Variants in ACSL1 observed in about 807,000 individuals in gnomAD.
The protein encoded by ACSL1 is acyl-CoA synthetase long chain family member 1, also known as long-chain-fatty-acid--CoA ligase 1.
A neutral mutation model predicts 98.4 loss-of-function variants in ACSL1; 41 were observed. The observed-to-expected ratio is 0.42, with a 90% CI of 0.32 to 0.54. The LOEUF (loss-of-function observed/expected upper bound fraction) is 0.54, where lower values mean the gene tolerates loss of function less well. Among genes scored for constraint, ACSL1 ranks in the 20% least tolerant of loss-of-function variants. The pLI, the probability that ACSL1 is intolerant of heterozygous loss-of-function variation, is 0.13. For missense variants in ACSL1, 734 were observed against 883.1 expected (o/e 0.83, Z 2.14); for synonymous variants, 316 against 322.7 (o/e 0.98, Z 0.22).
At chr4:184,783,376 TG>T (rs1323622432) in intron 4 of ACSL1, among the ~76,000 whole-genome samples, 1 of 152,124 alleles carries the variant, frequency 6.6e-6, no homozygotes, top group African/African-American at 2.4e-5. Flanking sequence ...TACAGCTGCC[TG>T]GGGGTAAGTG....
Position 184,773,259 on chromosome 4 carries a change from T to C in ACSL1, c.842-105A>G, listed in dbSNP as rs1764773414. On this transcript the variant is annotated intron_variant, in intron 9 of 20. Coordinates refer to ENST00000281455, the MANE Select transcript of ACSL1 (RefSeq NM_001995.5). This position sits in a 1 kb window ranked among gnomAD's most constrained non-coding sequence, Gnocchi z 4.3. Reference sequence around the variant, plus strand: ...CTTCAGACACCTCTACTGTTAGATATATCGTGAAAACCAAATGTTGAACAC... The same window carrying C: ...CTTCAGACACCTCTACTGTTAGATACATCGTGAAAACCAAATGTTGAACAC... 2.0e-6 allele frequency: 2 copies of C among 1,015,938 alleles called. No individual in the cohort carries two copies. The highest frequency in any genetic ancestry group is 2.9e-6 in the Non-Finnish European group (2 of 678,292). The allele number at this position is 1,015,938 out of a possible 1,614,324, so 62.9% of individuals were successfully genotyped here.
rs185445390 is a variant in ACSL1 at position 184,760,354 on chromosome 4, T to C, written c.1782+3A>G. The C allele has an allele frequency of 2.4e-5, 39 of 1,614,020 alleles. No homozygotes were observed. In the East Asian group the frequency reaches 5.1e-4, roughly 21 times the overall value. On this transcript the variant is annotated splice_donor_region_variant and intron_variant, in intron 18 of 20. Coordinates refer to ENST00000281455, the MANE Select transcript of ACSL1 (RefSeq NM_001995.5). ...CAAGATTCAAGACCCAGAAAGCACA[T>C]ACCTGCAGGCTTTCTCCGTGGACAA...
chr4:184,791,707 A>G (rs1768396588), intron 2 of ACSL1, among the ~76,000 whole-genome samples: 2 of 152,106 alleles, frequency 1.3e-5, no homozygotes, highest in African/African-American at 4.8e-5. Flanking sequence ...CTGGGGAGAA[A>G]CCAACTCCTA....
chr4:184,811,178 G>A lies in ACSL1; in HGVS notation c.-32-7632C>T, dbSNP rs897313637. 2.9e-4 allele frequency among the ~76,000 whole-genome samples: 44 copies of A among 150,920 alleles called. No homozygotes were observed. The East Asian group carries it at 3.3e-3, about 11-fold the overall frequency. The stretch of plus-strand genomic sequence containing the variant: ...GGCTGGAGTGCAGTGGTGTGATCTC[G>A]GCTCACTGCAAGCTCCGCCTTCTGG... On this transcript the variant is annotated intron_variant, in intron 1 of 20. Transcript: ENST00000281455.
chr4:184,762,169 A>C (rs1000349532), intron 17 of ACSL1, among the ~76,000 whole-genome samples: 1 of 152,136 alleles, frequency 6.6e-6, no homozygotes, highest in Non-Finnish European at 1.5e-5. Context: ...AAAGAAACAA[A>C]AAAGCATCAG....
At position 184,800,958 on chromosome 4, in the gene ACSL1, T is replaced by G. The variant is rs1373558621; in HGVS notation, c.195+2362A>C. Reference sequence around the variant, plus strand: ...GTGTCCAACTCCTGGGTTCAAATGATTCGTCCACTTCAGTCTCCCGAGTAG... The same window carrying G: ...GTGTCCAACTCCTGGGTTCAAATGAGTCGTCCACTTCAGTCTCCCGAGTAG... On this transcript the variant is annotated intron_variant, in intron 2 of 20. Coordinates refer to ENST00000281455, the MANE Select transcript of ACSL1 (RefSeq NM_001995.5). 2.0e-5 allele frequency among the ~76,000 whole-genome samples: 3 copies of G among 152,210 alleles called. No homozygotes were observed. The East Asian group carries it at 5.8e-4, about 29-fold the overall frequency.
rs533369798 is a variant in ACSL1 at position 184,781,066 on chromosome 4, C to A, written c.376-633G>T. On this transcript the variant is annotated intron_variant, in intron 4 of 20. Transcript: ENST00000281455. ...CCTGGCCAACATGGTAAAACCCCGT[C>A]TCTACTGAAAATAAAAAATTAGCCA... 1.1e-4 allele frequency among the ~76,000 whole-genome samples: 16 copies of A among 151,990 alleles called. No homozygotes were observed. In the East Asian group the frequency reaches 3.1e-3, roughly 29 times the overall value.
chr4:184,794,593 C>T (rs961564523), intron 2 of ACSL1, among the ~76,000 whole-genome samples: 4 of 152,238 alleles, frequency 2.6e-5, no homozygotes, highest in Admixed American at 2.0e-4. Flanking sequence ...GCCAGCCCCT[C>T]TCCAGATGAG....
chr4:184,768,556 A>G, intron 11 of ACSL1, 106 bp from the exon 12 acceptor site: 1 of 1,473,500 alleles, frequency 6.8e-7, no homozygotes, highest in South Asian at 1.4e-5. Flanking sequence ...GCCAGTTTCC[A>G]GAAATCTTAA....
intron 1 of ACSL1, among the ~76,000 whole-genome samples, chr4:184,810,518 T>C (rs1161740028): frequency 6.6e-6 from 1 of 152,042 alleles, no homozygotes; most frequent in Non-Finnish European, 1.5e-5. Context: ...AAGTGCAAAA[T>C]GAATTCTGAC....
chr4:184,780,223 TATACTTTTA>T, intron 5 of ACSL1, 100 bp downstream of exon 5: 2 of 951,360 alleles, frequency 2.1e-6, no homozygotes, highest in Non-Finnish European at 3.2e-6. Flanking sequence ...AACGTAAAGC[TATACTTTTA>T]GTAGAAATCA....
Position 184,776,998 on chromosome 4 carries a change from AAGGTC to A in ACSL1, c.478-20_478-16del, listed in dbSNP as rs1207617167. On this transcript the variant is annotated splice_polypyrimidine_tract_variant and intron_variant, in intron 5 of 20. Coordinates refer to ENST00000281455, the MANE Select transcript of ACSL1 (RefSeq NM_001995.5). ...ATAATCACCCACTAAACAAACAGTA[AAGGTC>A]AGGGAGAGAAAACAGGATGTCATCA... is the stretch of plus-strand genomic sequence containing the variant. The A allele has an allele frequency of 2.5e-6, 4 of 1,609,098 alleles. No homozygotes were observed. The African/African-American group carries it at 5.3e-5, about 21-fold the overall frequency.
chr4:184,795,899 C>T (rs1579927704), intron 2 of ACSL1, among the ~76,000 whole-genome samples: 1 of 152,238 alleles, frequency 6.6e-6, no homozygotes. Context: ...GCCAGAATAA[C>T]ATTTCTAAAT....
upstream of ACSL1, chr4:184,826,033 G>A (rs1773466409): frequency 6.8e-6 from 1 of 147,302 alleles, no homozygotes; most frequent in Non-Finnish European, 1.5e-5. Flanking sequence ...CCCGCTGGTT[G>A]CGCCCCCGCC....
rs199601460 is a variant in ACSL1 at position 184,786,191 on chromosome 4, G to A, written c.311-2200C>T. On this transcript the variant is annotated intron_variant, in intron 3 of 20. Transcript: ENST00000281455. ...TCAATTGTTCCTAAATGTCTGTATC[G>A]CTCACATTTATTTCATGTTTAACAT... 1.6e-4 allele frequency among the ~76,000 whole-genome samples: 24 copies of A among 152,194 alleles called. No homozygotes were observed. The East Asian group carries it at 2.9e-3, about 18-fold the overall frequency.
intron 5 of ACSL1, among the ~76,000 whole-genome samples, chr4:184,777,905 G>A (rs1765561967): frequency 6.6e-6 from 1 of 152,196 alleles, no homozygotes; most frequent in South Asian, 2.1e-4. Flanking sequence ...GGAGAGCACG[G>A]AGCAGCCACT....
intron 1 of ACSL1, chr4:184,808,611 G>C (rs1771723179): frequency 3.7e-6 from 2 of 537,760 alleles, no homozygotes; most frequent in Admixed American, 6.4e-5. Context: ...TCATTCACTA[G>C]CTGGGCAGAG....
rs1333069764 is a variant in ACSL1 at position 184,776,498 on chromosome 4, T to G, written c.742A>C (p.Met248Leu). The G allele has an allele frequency of 6.2e-7, 1 of 1,613,084 alleles. No individual in the cohort carries two copies. Among genetic ancestry groups the G allele is most frequent in the African/African-American group, 1.3e-5 (1 of 74,996 alleles). Residue 248 changes from methionine to leucine, a missense_variant, in exon 7 of 21, where the codon ATG becomes CTG. Coordinates refer to ENST00000281455, the MANE Select transcript of ACSL1 (RefSeq NM_001995.5). ...GQRCGVEVTS[M>L]KAMEDLGRAN... Reference sequence around the variant, plus strand: ...AGGGCACTCACCTCCATCGCCTTCATGCTGGTGACTTCCACCCCACACCTC... The same window carrying G: ...AGGGCACTCACCTCCATCGCCTTCAGGCTGGTGACTTCCACCCCACACCTC...
At chr4:184,808,554 C>T (rs1771717536) in intron 1 of ACSL1, 1 of 963,674 alleles carries the variant, frequency 1.0e-6, no homozygotes, top group Admixed American at 6.2e-5. Context: ...CCCGCCTCCT[C>T]CCCTTGTACA....
Sources: gnomAD v4.1 joint callset for allele counts (sites outside exome capture counted in the v4.1 genomes callset) on GRCh38, gnomAD v4.1.1 for gene constraint, Gnocchi (gnomAD v3.1) non-coding constraint, MANE v1.5 for transcripts, NCBI Gene and HGNC (gene_info 2026-07-23, HGNC 2026-07-21) for gene names.